CACNA2D3: variants seen among roughly 807,000 people sequenced by gnomAD.
CACNA2D3 encodes the protein calcium voltage-gated channel auxiliary subunit alpha2delta 3.
In CACNA2D3, 60 loss-of-function variants were observed where a neutral mutation model predicts 160.6. The observed-to-expected ratio is 0.37, with a 90% confidence interval of 0.30 to 0.46. CACNA2D3 has a LOEUF of 0.46. Among genes scored for constraint, CACNA2D3 ranks in the 20% least tolerant of loss-of-function variants. The pLI, the probability that CACNA2D3 is intolerant of heterozygous loss-of-function variation, is 1.00. For missense variants in CACNA2D3, 1,205 were observed against 1,365.0 expected (o/e 0.88, Z 1.85); for synonymous variants, 558 against 492.9 (o/e 1.13, Z -1.75).
chr3:54,570,172 C>T, intron 8 of CACNA2D3, 68 bp downstream of exon 8: 1 of 1,485,646 alleles, frequency 6.7e-7, no homozygotes, highest in Non-Finnish European at 9.3e-7. Context: ...GACTGGTTAA[C>T]ATTGCTCTCG....
chr3:54,779,090 G>T (rs1702482565), intron 13 of CACNA2D3, among the ~76,000 whole-genome samples: 1 of 151,846 alleles, frequency 6.6e-6, no homozygotes, highest in Admixed American at 6.6e-5. Flanking sequence ...TTTGCCCACT[G>T]TTACAACAGA....
chr3:54,468,091 A>G (rs140085432), intron 4 of CACNA2D3, among the ~76,000 whole-genome samples: 3 of 152,364 alleles, frequency 2.0e-5, no homozygotes, highest in South Asian at 2.1e-4. Context: ...GGATGTTTCT[A>G]TGAAGTGATA....
chr3:54,975,742 T>G (rs1473876507), intron 29 of CACNA2D3, among the ~76,000 whole-genome samples: 1 of 151,936 alleles, frequency 6.6e-6, no homozygotes, highest in Non-Finnish European at 1.5e-5. Flanking sequence ...CATAGATTAT[T>G]CTGTAGCAAG....
intron 16 of CACNA2D3, 73 bp from the exon 17 acceptor site, chr3:54,846,320 C>T (rs771655587): frequency 3.3e-5 from 30 of 899,116 alleles, no homozygotes; most frequent in Non-Finnish European, 4.8e-5. Context: ...TACTAAATGC[C>T]GGGCTGCTTT....
At chr3:54,717,362 A>G (rs1389495949) in intron 11 of CACNA2D3, among the ~76,000 whole-genome samples, 3 of 152,234 alleles carry the variant, frequency 2.0e-5, no homozygotes, top group Non-Finnish European at 2.9e-5. Flanking sequence ...TTACCACCTC[A>G]AAAGGTATAC....
intron 2 of CACNA2D3, among the ~76,000 whole-genome samples, chr3:54,250,803 G>T (rs1265189616): frequency 1.3e-5 from 2 of 152,218 alleles, no homozygotes; most frequent in East Asian, 3.8e-4. Flanking sequence ...CAGTCTAGGA[G>T]AGGAAGGACA....
At chr3:54,955,631 T>TG (rs1179275062) in intron 27 of CACNA2D3, among the ~76,000 whole-genome samples, 5 of 152,136 alleles carry the variant, frequency 3.3e-5, no homozygotes, top group Non-Finnish European at 7.3e-5. Flanking sequence ...TATCATTCTT[T>TG]GAGTCCCAAC....
intron 13 of CACNA2D3, 38 bp downstream of exon 13, chr3:54,764,389 AC>A: frequency 1.2e-6 from 2 of 1,607,326 alleles, no homozygotes; most frequent in Non-Finnish European, 1.7e-6. Flanking sequence ...GCTAAGCTTT[AC>A]CCCCATCCCC....
chr3:54,685,683 G>A (rs1205383146), intron 11 of CACNA2D3, among the ~76,000 whole-genome samples: 1 of 152,208 alleles, frequency 6.6e-6, no homozygotes, highest in African/African-American at 2.4e-5. Context: ...CATTGTGGCT[G>A]ACATCGTCCC....
intron 4 of CACNA2D3, among the ~76,000 whole-genome samples, chr3:54,484,069 T>C (rs1700975843): frequency 6.6e-6 from 1 of 152,194 alleles, no homozygotes; most frequent in Non-Finnish European, 1.5e-5. Flanking sequence ...AGTTTCCTTA[T>C]GGGGTGAGAT....
intron 17 of CACNA2D3, among the ~76,000 whole-genome samples, chr3:54,855,447 C>T (rs145284885): frequency 2.6e-5 from 4 of 152,284 alleles, no homozygotes; most frequent in Admixed American, 2.6e-4. Context: ...CCTTAATTTG[C>T]CAGCTCATGT....
At chr3:54,398,076 CTTCT>C (rs1183626649) in intron 4 of CACNA2D3, among the ~76,000 whole-genome samples, 1 of 36,284 alleles carries the variant, frequency 2.8e-5, no homozygotes. Flanking sequence ...ATGTAATGGC[CTTCT>C]TTGTCTCTTT....
chr3:55,056,889 A>T (rs1704374628), intron 35 of CACNA2D3, among the ~76,000 whole-genome samples: 2 of 152,208 alleles, frequency 1.3e-5, no homozygotes, highest in South Asian at 4.1e-4. Context: ...GTTGCACATC[A>T]TGGTGAATAT....
chr3:54,888,158 GTTC>G, intron 24 of CACNA2D3, 106 bp downstream of exon 24: 1 of 906,196 alleles, frequency 1.1e-6, no homozygotes, highest in Non-Finnish European at 1.8e-6. Flanking sequence ...TGGTGTTAAA[GTTC>G]TTTAATTTTC....
At chr3:54,509,781 C>G (rs1701430936) in intron 5 of CACNA2D3, among the ~76,000 whole-genome samples, 1 of 152,182 alleles carries the variant, frequency 6.6e-6, no homozygotes, top group South Asian at 2.1e-4. Flanking sequence ...CATAGTTTTT[C>G]TCTTCTAGTT....
chr3:54,885,633 G>A, intron 23 of CACNA2D3, 47 bp downstream of exon 23: 2 of 1,448,682 alleles, frequency 1.4e-6, no homozygotes, highest in Non-Finnish European at 1.9e-6. Context: ...GGTGATGGTG[G>A]GGAATGAACT....
chr3:54,869,277 CTTATTTAACTTGTGATTTAAT>C (rs1183260246), intron 17 of CACNA2D3, among the ~76,000 whole-genome samples: 3 of 152,154 alleles, frequency 2.0e-5, no homozygotes, highest in African/African-American at 7.2e-5. Context: ...GCTATGCGAT[CTTATTTAACTTGTGATTTAAT>C]TTATTTAACT....
chr3:54,236,388 A>G (rs1371994437), intron 2 of CACNA2D3, among the ~76,000 whole-genome samples: 1 of 152,226 alleles, frequency 6.6e-6, no homozygotes, highest in Non-Finnish European at 1.5e-5. Flanking sequence ...CACAGAGGAA[A>G]CTGGGCGTGC....
chr3:54,641,409 A>G lies in CACNA2D3; in HGVS notation c.1054-719A>G, dbSNP rs1210069351. ...TTGAGTTAAGAGGGGTGTGGAAGCCAGGGTTTTGTTATGTAGATGAAGCCT... is the reference window on the plus strand; with the variant it reads ...TTGAGTTAAGAGGGGTGTGGAAGCCGGGGTTTTGTTATGTAGATGAAGCCT... On this transcript the variant is annotated intron_variant, in intron 10 of 37. Coordinates refer to ENST00000474759, the MANE Select transcript of CACNA2D3 (RefSeq NM_018398.3). Among the ~76,000 whole-genome samples, 3 of 152,332 alleles carry G rather than the reference A, an allele frequency of 2.0e-5. No homozygotes were observed. The East Asian group carries it at 5.8e-4, about 29-fold the overall frequency.
Sources: gnomAD v4.1 joint callset for allele counts (sites outside exome capture counted in the v4.1 genomes callset) on GRCh38, gnomAD v4.1.1 for gene constraint, MANE v1.5 for transcripts, NCBI Gene and HGNC (gene_info 2026-07-23, HGNC 2026-07-21) for gene names.